Variants in GRHL2 observed in about 807,000 individuals in gnomAD.
GRHL2 encodes the protein grainyhead like transcription factor 2.
GRHL2 carries 21 observed loss-of-function variants against 83.8 expected under a neutral mutation model. That is an observed-to-expected ratio of 0.25 (90% confidence interval 0.18 to 0.36). GRHL2 has a LOEUF of 0.36. Among genes scored for constraint, GRHL2 ranks in the 10% least tolerant of loss-of-function variants. The pLI is 1.00. For synonymous variants in GRHL2, 280 were observed against 278.9 expected (o/e 1.00, Z -0.04); for missense variants, 623 against 781.8 (o/e 0.80, Z 2.42).
At chr8:101,494,913 G>A (rs1810063827) in intron 1 of GRHL2, among the ~76,000 whole-genome samples, 1 of 152,164 alleles carries the variant, frequency 6.6e-6, no homozygotes, top group Non-Finnish European at 1.5e-5. Flanking sequence ...ACGAAATTTT[G>A]TATCCTGGGA....
chr8:101,590,004 T>C lies in GRHL2; in HGVS notation c.1004-9053T>C, dbSNP rs151112164. Among the ~76,000 whole-genome samples the C allele has an allele frequency of 1.8e-4, 27 of 152,272 alleles. No homozygotes were observed. The East Asian group carries it at 5.2e-3, about 29-fold the overall frequency. On this transcript the variant is annotated intron_variant, in intron 7 of 15. Transcript: ENST00000646743. ...TTACATGCTTGCCTGTTTCCTATTC[T>C]ATGAGGTGGGAATAATAATAATAAA...
chr8:101,499,904 C>A (rs546160897), intron 1 of GRHL2, among the ~76,000 whole-genome samples: 2 of 152,018 alleles, frequency 1.3e-5, no homozygotes, highest in African/African-American at 4.8e-5. Context: ...GGTGAAACCC[C>A]GTCTTTAGTA....
At chr8:101,503,138 A>C (rs975722568) in intron 1 of GRHL2, among the ~76,000 whole-genome samples, 1 of 152,236 alleles carries the variant, frequency 6.6e-6, no homozygotes, top group Non-Finnish European at 1.5e-5. Context: ...TTCTGAAGTC[A>C]ATTGCCCCTG....
At chr8:101,674,650 T>A (rs1814266353), downstream of GRHL2, among the ~76,000 whole-genome samples, 1 of 152,196 alleles carries the variant, frequency 6.6e-6, no homozygotes, top group East Asian at 1.9e-4. Flanking sequence ...CTGGTACCAT[T>A]TCTTCTGAAA....
intron 8 of GRHL2, among the ~76,000 whole-genome samples, chr8:101,611,034 T>A (rs503895): frequency 0.47 from 70,526 of 150,562 alleles, 19,332 homozygotes; most frequent in Non-Finnish European, 0.59. Context: ...CAGCAGTGAG[T>A]GTCCGAGGAG....
intron 1 of GRHL2, among the ~76,000 whole-genome samples, chr8:101,518,393 C>T (rs1810614928): frequency 6.6e-6 from 1 of 152,080 alleles, no homozygotes; most frequent in Non-Finnish European, 1.5e-5. Flanking sequence ...GCCTGGGCAG[C>T]AGAGTGAGAC....
chr8:101,610,617 A>T (rs1449782349), intron 8 of GRHL2, among the ~76,000 whole-genome samples: 1 of 149,290 alleles, frequency 6.7e-6, no homozygotes, highest in Non-Finnish European at 1.5e-5. Context: ...GTATTATTTC[A>T]TATAAGTGTC....
intron 11 of GRHL2, 91 bp downstream of exon 11, chr8:101,632,456 A>C: frequency 6.9e-7 from 1 of 1,456,814 alleles, no homozygotes. Context: ...GTTGACCTCA[A>C]AAATAACTTA....
chr8:101,599,137 A>G lies in GRHL2; in HGVS notation c.1084A>G (p.Asn362Asp). 6.2e-7 allele frequency: 1 copy of G among 1,608,366 alleles called. No individual in the cohort carries two copies. Among genetic ancestry groups the G allele is most frequent in the Non-Finnish European group, 8.5e-7 (1 of 1,174,720 alleles). The change falls in exon 8 of 16, where the codon AAT becomes GAT. Residue 362 changes from asparagine (N) to aspartate (D), a missense_variant. Around this residue, in one of 8 missense-constraint regions of GRHL2, gnomAD observed 96 missense variants for 144.8 expected, o/e 0.66. Transcript: ENST00000646743. ...YNAVSFTWDV[N>D]EEAKIFITVN... The stretch of plus-strand genomic sequence containing the variant: ...TGCTGTTTCCTTTACCTGGGACGTG[A>G]ATGAAGAGGCGAAGGTGAGTGACAT...
chr8:101,535,209 C>G (rs912896273), intron 1 of GRHL2, among the ~76,000 whole-genome samples: 2 of 152,192 alleles, frequency 1.3e-5, no homozygotes, highest in African/African-American at 4.8e-5. Context: ...TTAACATTTT[C>G]TACAAACAAT....
intron 2 of GRHL2, among the ~76,000 whole-genome samples, chr8:101,547,720 T>A (rs527565796): frequency 1.3e-5 from 2 of 152,346 alleles, no homozygotes; most frequent in African/African-American, 4.8e-5. Flanking sequence ...ATGCCCTTTT[T>A]TGAATCCATT....
rs1289219488 is a variant in GRHL2 at position 101,543,233 on chromosome 8, T to C, written c.21-8T>C. ...AAAATGAACCTCACATTTCTCTTGTTTTTACAGTAATAAAAGACTAGTGGC... is the reference window on the plus strand; with the variant it reads ...AAAATGAACCTCACATTTCTCTTGTCTTTACAGTAATAAAAGACTAGTGGC... On this transcript the variant is annotated splice_polypyrimidine_tract_variant and splice_region_variant and intron_variant, in intron 1 of 15. Transcript: ENST00000646743. 6.2e-7 allele frequency: 1 copy of C among 1,612,616 alleles called. No homozygotes were observed. Among genetic ancestry groups the C allele is most frequent in the Non-Finnish European group, 8.5e-7 (1 of 1,178,718 alleles).
chr8:101,604,798 G>A (rs1429916299), intron 8 of GRHL2, among the ~76,000 whole-genome samples: 1 of 152,198 alleles, frequency 6.6e-6, no homozygotes, highest in Admixed American at 6.5e-5. Flanking sequence ...CATGCTGACA[G>A]ATAAGTCTAC....
At chr8:101,570,429 T>G (rs763340381) in intron 5 of GRHL2, 35 bp downstream of exon 5, 1 of 1,520,256 alleles carries the variant, frequency 6.6e-7, no homozygotes, top group Non-Finnish European at 9.1e-7. Flanking sequence ...TAGAAACTGA[T>G]TAACTGATAA....
chr8:101,531,952 G>T (rs868657813), intron 1 of GRHL2, among the ~76,000 whole-genome samples: 1 of 152,200 alleles, frequency 6.6e-6, no homozygotes, highest in South Asian at 2.1e-4. Context: ...TAAAAACTAT[G>T]CACTTTATGT....
intron 2 of GRHL2, among the ~76,000 whole-genome samples, chr8:101,545,311 A>C (rs557198993): frequency 1.2e-3 from 185 of 152,260 alleles, no homozygotes; most frequent in African/African-American, 4.2e-3. Context: ...TAAAACTCCC[A>C]GCAGGACTCC....
intron 7 of GRHL2, among the ~76,000 whole-genome samples, chr8:101,593,005 G>A (rs1563597190): frequency 1.3e-5 from 2 of 152,202 alleles, no homozygotes; most frequent in Admixed American, 6.5e-5. Flanking sequence ...GGAGTGCAAT[G>A]GTGTGATCTC....
chr8:101,595,886 C>T (rs1322278811), intron 7 of GRHL2, among the ~76,000 whole-genome samples: 3 of 151,940 alleles, frequency 2.0e-5, no homozygotes, highest in African/African-American at 2.4e-5. Context: ...TTTGGGAGGC[C>T]GAGGCGGGTG....
intron 14 of GRHL2, among the ~76,000 whole-genome samples, 193 bp downstream of exon 14, chr8:101,649,692 GA>G (rs1813583197): frequency 6.6e-6 from 1 of 152,148 alleles, no homozygotes; most frequent in South Asian, 2.1e-4. Context: ...GAAGGAAACT[GA>G]AAAACTGCCA....
Sources: gnomAD v4.1 joint callset for allele counts (sites outside exome capture counted in the v4.1 genomes callset) on GRCh38, gnomAD v4.1.1 for gene constraint, gnomAD v4.1.1 regional missense constraint, MANE v1.5 for transcripts, NCBI Gene and HGNC (gene_info 2026-07-23, HGNC 2026-07-21) for gene names.